The following STK32B variants were observed in gnomAD, a reference collection of about 807,000 sequenced individuals.
STK32B encodes serine/threonine kinase 32B.
STK32B carries 43 observed loss-of-function variants against 52.6 expected under a neutral mutation model. That is an observed-to-expected ratio of 0.82 (90% CI 0.64 to 1.05). The LOEUF is 1.05. Among genes scored for constraint, STK32B ranks in the 50% least tolerant of loss-of-function variants. The pLI is 0.00. For synonymous variants in STK32B, 238 were observed against 204.3 expected (o/e 1.17, Z -1.41); for missense variants, 621 against 534.6 (o/e 1.16, Z -1.59).
At chr4:5,165,430 C>T (rs1176952458) in intron 2 of STK32B, among the ~76,000 whole-genome samples, 1 of 152,080 alleles carries the variant, frequency 6.6e-6, no homozygotes, top group East Asian at 1.9e-4. Context: ...CCCTTGAAAC[C>T]CAGAAGCGCC....
intron 4 of STK32B, among the ~76,000 whole-genome samples, chr4:5,336,272 G>A (rs927706193): frequency 2.0e-5 from 3 of 151,540 alleles, no homozygotes; most frequent in African/African-American, 7.3e-5. Context: ...TGAGCCCGAA[G>A]GAAAGAGATT....
At chr4:5,457,201 GTTTTTTTTTTCTTT>G (rs1716610611) in intron 8 of STK32B, among the ~76,000 whole-genome samples, 1 of 139,212 alleles carries the variant, frequency 7.2e-6, no homozygotes, top group African/African-American at 2.9e-5. Flanking sequence ...TGCATGTGGG[GTTTTTTTTTTCTTT>G]TTTTTTTTTT....
chr4:5,434,183 G>A (rs145385734), intron 6 of STK32B, among the ~76,000 whole-genome samples: 16 of 152,274 alleles, frequency 1.1e-4, no homozygotes, highest in Middle Eastern at 3.4e-3. Flanking sequence ...ACCCCATGCA[G>A]TGAAAGACAA....
chr4:5,246,974 T>C (rs1725499855), intron 3 of STK32B, among the ~76,000 whole-genome samples: 1 of 152,136 alleles, frequency 6.6e-6, no homozygotes, highest in Non-Finnish European at 1.5e-5. Flanking sequence ...AAGGTGCCGG[T>C]CCGCCCCTAC....
intron 3 of STK32B, among the ~76,000 whole-genome samples, chr4:5,173,270 AT>A (rs1189602770): frequency 2.0e-5 from 3 of 151,974 alleles, no homozygotes; most frequent in African/African-American, 7.3e-5. Context: ...GGATTCATTG[AT>A]TTTTTGAAGG....
At chr4:5,466,631 A>C in intron 9 of STK32B, 72 bp from the exon 10 acceptor site, 1 of 1,524,274 alleles carries the variant, frequency 6.6e-7, no homozygotes, top group Non-Finnish European at 8.8e-7. Context: ...TGAATGGTTG[A>C]ATTAATGAAA....
chr4:5,036,191 A>C, the STK32B span, among the ~76,000 whole-genome samples: 1 of 152,254 alleles, frequency 6.6e-6, no homozygotes, highest in Non-Finnish European at 1.5e-5. Flanking sequence ...AGAGAGAATA[A>C]TACTATAGAT....
chr4:5,355,465 C>G (rs373527548), intron 4 of STK32B, among the ~76,000 whole-genome samples: 6 of 152,140 alleles, frequency 3.9e-5, no homozygotes, highest in African/African-American at 1.2e-4. Context: ...TTAAGAAATG[C>G]TTTTATTTGT....
chr4:5,087,187 A>G (rs1379165974), intron 1 of STK32B, among the ~76,000 whole-genome samples: 1 of 152,122 alleles, frequency 6.6e-6, no homozygotes, highest in Non-Finnish European at 1.5e-5. Context: ...AAGAGATATG[A>G]CAGCATAGAT....
At chr4:5,189,632 T>C (rs1721024194) in intron 3 of STK32B, among the ~76,000 whole-genome samples, 2 of 152,196 alleles carry the variant, frequency 1.3e-5, no homozygotes, top group South Asian at 4.1e-4. Context: ...GTGCAAGTTT[T>C]TCTGCAGACG....
intron 3 of STK32B, among the ~76,000 whole-genome samples, chr4:5,299,402 T>A (rs1729412296): frequency 6.7e-6 from 1 of 149,378 alleles, no homozygotes; most frequent in Non-Finnish European, 1.5e-5. Flanking sequence ...ATTTTTATGG[T>A]TTGAGGTCTT....
chr4:5,203,464 C>T (rs1722315738), intron 3 of STK32B, among the ~76,000 whole-genome samples: 1 of 152,126 alleles, frequency 6.6e-6, no homozygotes, highest in Non-Finnish European at 1.5e-5. Context: ...CACCCATTTC[C>T]TGGCCCCACC....
intron 3 of STK32B, among the ~76,000 whole-genome samples, chr4:5,317,962 A>G (rs1042274887): frequency 1.8e-4 from 28 of 152,270 alleles, no homozygotes; most frequent in Middle Eastern, 3.4e-3. Flanking sequence ...CAGGCCTACC[A>G]AGTCAGAAAC....
intron 1 of STK32B, among the ~76,000 whole-genome samples, chr4:5,129,461 A>G (rs572946416): frequency 6.6e-6 from 1 of 152,296 alleles, no homozygotes; most frequent in Admixed American, 6.5e-5. Flanking sequence ...ATCCTGTGCA[A>G]TGACTATTTG....
At chr4:5,457,968 AGAAG>A (rs567377333) in intron 8 of STK32B, among the ~76,000 whole-genome samples, 5 of 149,420 alleles carry the variant, frequency 3.3e-5, no homozygotes, top group African/African-American at 1.2e-4. Flanking sequence ...AGGAAAGGAA[AGAAG>A]GAAGGAAGGA....
intron 2 of STK32B, among the ~76,000 whole-genome samples, chr4:5,159,860 C>CAAA (rs1222599884): frequency 1.3e-5 from 2 of 150,942 alleles, no homozygotes; most frequent in Non-Finnish European, 2.9e-5. Flanking sequence ...TGGAAGCTGC[C>CAAA]AAATGCAAAT....
chr4:5,306,470 CT>C (rs1577320264), intron 3 of STK32B, among the ~76,000 whole-genome samples: 1 of 151,884 alleles, frequency 6.6e-6, no homozygotes. Context: ...CCCTCTTTGT[CT>C]TTTTTAACTA....
chr4:5,072,041 C>T (rs1174012524), intron 1 of STK32B, among the ~76,000 whole-genome samples: 1 of 152,100 alleles, frequency 6.6e-6, no homozygotes, highest in Admixed American at 6.6e-5. Context: ...TTTCTGGATG[C>T]ATTTATCTGT....
At chr4:5,224,215 G>A (rs1723721574) in intron 3 of STK32B, among the ~76,000 whole-genome samples, 1 of 152,160 alleles carries the variant, frequency 6.6e-6, no homozygotes, top group Admixed American at 6.5e-5. Flanking sequence ...TCCCAGGGGA[G>A]GAATACTCTG....
Sources: gnomAD v4.1 joint callset for allele counts (sites outside exome capture counted in the v4.1 genomes callset) on GRCh38, gnomAD v4.1.1 for gene constraint, MANE v1.5 for transcripts, NCBI Gene and HGNC (gene_info 2026-07-23, HGNC 2026-07-21) for gene names.